FHIT: variants seen among roughly 807,000 people sequenced by gnomAD.
The protein encoded by FHIT is bis(5'-adenosyl)-triphosphatase.
Under a neutral mutation model 17.9 loss-of-function variants are expected in FHIT, and 19 were observed. The observed-to-expected ratio is 1.06, with a 90% CI of 0.74 to 1.56. The LOEUF (loss-of-function observed/expected upper bound fraction) is 1.56, where lower values mean the gene tolerates loss of function less well. Among genes scored for constraint, FHIT ranks in the 40% most tolerant of loss-of-function variants. The pLI is 0.00. For synonymous variants in FHIT, 81 were observed against 69.7 expected, an observed-to-expected ratio of 1.16 and a Z score of -0.81; for missense variants, 248 against 189.2, an observed-to-expected ratio of 1.31 and a Z score of -1.82.
chr3:60,345,777 C>T (rs1710745144), intron 5 of FHIT, among the ~76,000 whole-genome samples: 1 of 152,142 alleles, frequency 6.6e-6, no homozygotes, highest in African/African-American at 2.4e-5. Context: ...TTATTTTATG[C>T]ACTTTAAGAA....
chr3:60,523,001 C>A (rs577919476), intron 5 of FHIT, among the ~76,000 whole-genome samples: 1 of 152,040 alleles, frequency 6.6e-6, no homozygotes, highest in Non-Finnish European at 1.5e-5. Flanking sequence ...ACATCTTACA[C>A]GGCAGCAGGC....
At chr3:60,331,940 A>T (rs1709999512) in intron 5 of FHIT, among the ~76,000 whole-genome samples, 1 of 151,944 alleles carries the variant, frequency 6.6e-6, no homozygotes, top group Admixed American at 6.6e-5. Context: ...ATTCTCCCAC[A>T]TTATTAAGGT....
At chr3:61,119,873 C>T (rs2036406120) in intron 2 of FHIT, among the ~76,000 whole-genome samples, 1 of 152,218 alleles carries the variant, frequency 6.6e-6, no homozygotes, top group African/African-American at 2.4e-5. Context: ...TCCTGGTTTT[C>T]AGCCCTTCAG....
intron 5 of FHIT, among the ~76,000 whole-genome samples, chr3:60,064,887 A>G (rs1386604440): frequency 2.6e-5 from 4 of 152,220 alleles, no homozygotes; most frequent in Non-Finnish European, 5.9e-5. Flanking sequence ...ATTGGTTAAT[A>G]TCATAATCTT....
At chr3:60,942,371 C>T (rs1708449839) in intron 3 of FHIT, among the ~76,000 whole-genome samples, 2 of 152,164 alleles carry the variant, frequency 1.3e-5, no homozygotes, top group African/African-American at 4.8e-5. Context: ...TTCTCAATCT[C>T]TAGTCATGAC....
chr3:60,923,527 A>G (rs1477046933), intron 3 of FHIT, among the ~76,000 whole-genome samples: 2 of 152,216 alleles, frequency 1.3e-5, no homozygotes, highest in Non-Finnish European at 1.5e-5. Flanking sequence ...TTCAATAATT[A>G]TACTTCCTAA....
intron 2 of FHIT, among the ~76,000 whole-genome samples, chr3:61,188,240 T>C (rs1336043468): frequency 6.6e-6 from 1 of 152,042 alleles, no homozygotes; most frequent in Admixed American, 6.6e-5. Context: ...TAAAAAATGA[T>C]AAAGGGGATA....
chr3:60,956,164 A>G (rs147228858), intron 3 of FHIT, among the ~76,000 whole-genome samples: 74 of 152,330 alleles, frequency 4.9e-4, no homozygotes, highest in Non-Finnish European at 8.7e-4. Context: ...TTGTAAACCT[A>G]AAGTTACATT....
At chr3:59,803,283 A>C (rs1329499915) in intron 8 of FHIT, among the ~76,000 whole-genome samples, 3 of 152,196 alleles carry the variant, frequency 2.0e-5, no homozygotes, top group African/African-American at 7.2e-5. Flanking sequence ...TTTTTTCCCA[A>C]GTTGTAGGGA....
At chr3:60,065,912 G>C (rs982964989) in intron 5 of FHIT, among the ~76,000 whole-genome samples, 12 of 152,250 alleles carry the variant, frequency 7.9e-5, no homozygotes, top group African/African-American at 2.6e-4. Context: ...CCGTGAATTT[G>C]ATCATGGTTC....
At chr3:60,921,874 A>G (rs1299961299) in intron 3 of FHIT, among the ~76,000 whole-genome samples, 1 of 152,212 alleles carries the variant, frequency 6.6e-6, no homozygotes, top group Non-Finnish European at 1.5e-5. Flanking sequence ...TTAGCCCCTG[A>G]TCATGCCAAG....
intron 3 of FHIT, among the ~76,000 whole-genome samples, chr3:61,003,517 T>C (rs1287772919): frequency 1.3e-5 from 2 of 152,232 alleles, no homozygotes; most frequent in African/African-American, 4.8e-5. Flanking sequence ...TCCATTTAGC[T>C]ACCACATTGT....
chr3:60,844,914 A>T (rs1232760687), intron 3 of FHIT, among the ~76,000 whole-genome samples: 1 of 152,064 alleles, frequency 6.6e-6, no homozygotes, highest in Admixed American at 6.6e-5. Flanking sequence ...CTGAGGGTGC[A>T]TATTTATTCA....
chr3:60,167,229 C>T (rs1430464454), intron 5 of FHIT, among the ~76,000 whole-genome samples: 1 of 152,172 alleles, frequency 6.6e-6, no homozygotes, highest in Non-Finnish European at 1.5e-5. Flanking sequence ...TTGTGAATGT[C>T]ACCATCACTT....
chr3:60,071,839 C>T (rs993125519), intron 5 of FHIT, among the ~76,000 whole-genome samples: 3 of 152,184 alleles, frequency 2.0e-5, no homozygotes, highest in Admixed American at 6.5e-5. Context: ...ATGCTGTTCT[C>T]ATGATAGTGA....
At chr3:60,428,236 C>G (rs190991094) in intron 5 of FHIT, among the ~76,000 whole-genome samples, 2 of 152,222 alleles carry the variant, frequency 1.3e-5, no homozygotes, top group African/African-American at 4.8e-5. Context: ...ATCTTTGGGT[C>G]TCAGTTTCCT....
chr3:61,189,283 C>G (rs946792688), intron 2 of FHIT, among the ~76,000 whole-genome samples: 3 of 152,110 alleles, frequency 2.0e-5, no homozygotes, highest in Non-Finnish European at 4.4e-5. Context: ...TTCTTATACA[C>G]CAATAACAGA....
intron 3 of FHIT, among the ~76,000 whole-genome samples, chr3:60,955,622 A>G (rs1399708411): frequency 0.019 from 289 of 15,528 alleles, 9 homozygotes; most frequent in African/African-American, 0.03. Flanking sequence ...ATATATATAT[A>G]TATATATATA....
chr3:60,306,084 G>T (rs570332725), intron 5 of FHIT, among the ~76,000 whole-genome samples: 5 of 152,228 alleles, frequency 3.3e-5, no homozygotes, highest in East Asian at 3.9e-4. Flanking sequence ...CCTACATGTA[G>T]TACTGTGGTA....
Sources: gnomAD v4.1 joint callset for allele counts (sites outside exome capture counted in the v4.1 genomes callset) on GRCh38, gnomAD v4.1.1 for gene constraint, MANE v1.5 for transcripts, NCBI Gene and HGNC (gene_info 2026-07-23, HGNC 2026-07-21) for gene names.